The following CIP2A variants were observed in gnomAD, a reference collection of about 807,000 sequenced individuals.
CIP2A encodes protein CIP2A.
Under a neutral mutation model 110.9 loss-of-function variants are expected in CIP2A, and 103 were observed. That is an observed-to-expected ratio of 0.93 (90% CI 0.79 to 1.09). The LOEUF (loss-of-function observed/expected upper bound fraction) is 1.09. Ranked by LOEUF, CIP2A falls within the 50% of genes least tolerant of loss-of-function variation. The pLI, the probability that CIP2A is intolerant of heterozygous loss-of-function variation, is 0.00. For synonymous variants in CIP2A, 381 were observed against 361.6 expected (o/e 1.05, Z -0.61); for missense variants, 1,088 against 1,038.4 (o/e 1.05, Z -0.66).
chr3:108,573,280 A>C (rs2107346384), intron 8 of CIP2A, among the ~76,000 whole-genome samples: 1 of 152,042 alleles, frequency 6.6e-6, no homozygotes, highest in Non-Finnish European at 1.5e-5. Context: ...AGGTTTTGCT[A>C]TCAAGGTTAT....
At position 108,584,881 on chromosome 3, in the gene CIP2A, CA is replaced by C. The variant is rs1576320911; in HGVS notation, c.250+183del. Reference sequence around the variant, plus strand: ...GTTCTAAATTCAGTGTAATCTATTACAGAAGGATCATTCTTTGATCGGTAGC... The same window carrying C: ...GTTCTAAATTCAGTGTAATCTATTACGAAGGATCATTCTTTGATCGGTAGC... On this transcript the variant is annotated intron_variant, in intron 2 of 20. Coordinates refer to ENST00000295746, the MANE Select transcript of CIP2A (RefSeq NM_020890.3). 8 of 467,184 alleles carry C rather than the reference CA, an allele frequency of 1.7e-5. No homozygotes were observed. The East Asian group carries it at 2.7e-4, about 16-fold the overall frequency. 28.9% of individuals were successfully genotyped at this position (467,184 alleles called of 1,614,324 possible).
At position 108,550,962 on chromosome 3, in the gene CIP2A, T is replaced by C. The variant is rs1576293989; in HGVS notation, c.*187A>G. ...AAAAGCCAGAAACAAAAAGTAAAAC[T>C]TAGAAAATTAAATTTCTATTCAAAC... On this transcript the variant is annotated 3_prime_UTR_variant, in exon 21 of 21. Transcript: ENST00000295746. The C allele has an allele frequency of 1.7e-5, 6 of 361,182 alleles. No homozygotes were observed. In the East Asian group the frequency reaches 2.5e-4, roughly 15 times the overall value. The allele number at this position is 361,182 out of a possible 1,614,324, so 22.4% of individuals were successfully genotyped here. A position where few individuals can be genotyped will look rare whatever the true frequency, so the allele number is the denominator to read the frequency against.
intron 4 of CIP2A, 143 bp downstream of exon 4, chr3:108,581,965 T>C: frequency 2.3e-6 from 1 of 433,436 alleles, no homozygotes; most frequent in Non-Finnish European, 4.2e-6. Flanking sequence ...CTTAAAATCA[T>C]CTGGGCAGAA....
intron 6 of CIP2A, 70 bp from the exon 7 acceptor site, chr3:108,579,496 A>T (rs888013331): frequency 6.4e-7 from 1 of 1,557,106 alleles, no homozygotes; most frequent in Non-Finnish European, 8.7e-7. Flanking sequence ...AGGTAAAAAT[A>T]AAAAAGTCTC....
chr3:108,582,778 T>C (rs1260421199), intron 3 of CIP2A, among the ~76,000 whole-genome samples, 199 bp downstream of exon 3: 2 of 152,230 alleles, frequency 1.3e-5, no homozygotes, highest in African/African-American at 2.4e-5. Context: ...ATAGTGGTGA[T>C]AGAAATGGAT....
chr3:108,552,805 T>C (rs1306426321), intron 19 of CIP2A, among the ~76,000 whole-genome samples: 2 of 152,160 alleles, frequency 1.3e-5, no homozygotes, highest in Non-Finnish European at 2.9e-5. Context: ...CATAATCCTA[T>C]GTGATTTAAC....
intron 20 of CIP2A, 149 bp from the exon 21 acceptor site, chr3:108,551,468 C>A: frequency 2.0e-6 from 1 of 493,490 alleles, no homozygotes; most frequent in Non-Finnish European, 3.4e-6. Context: ...TCAGTTAATT[C>A]AATTACATGG....
In CIP2A at chr3:108,567,902, C is replaced by T. The variant is rs117383747; in HGVS notation, c.1273+253G>A. ...CAAATTGTGATACAAGTGTCAAAAT[C>T]AAGCTTAAACAGCATTTTAAAAAAT... On this transcript the variant is annotated intron_variant, in intron 10 of 20. Transcript: ENST00000295746. 3.8e-3 allele frequency among the ~76,000 whole-genome samples: 580 copies of T among 151,914 alleles called. 4 individuals carry two copies. Among genetic ancestry groups the T allele is most frequent in the East Asian group, 0.034 (175 of 5,152 alleles).
chr3:108,581,931 C>T (rs1248147090), intron 4 of CIP2A, among the ~76,000 whole-genome samples, 177 bp downstream of exon 4: 2 of 151,866 alleles, frequency 1.3e-5, no homozygotes, highest in African/African-American at 4.8e-5. Flanking sequence ...TGAATGAGGT[C>T]ACATACTTTT....
chr3:108,563,192 T>G lies in CIP2A; in HGVS notation c.1568A>C (p.Glu523Ala), dbSNP rs1470830437. The G allele has an allele frequency of 6.2e-7, 1 of 1,612,918 alleles. No individual in the cohort carries two copies. Among genetic ancestry groups the G allele is most frequent in the East Asian group, 2.2e-5 (1 of 44,818 alleles). Reference protein sequence around the residue: ...LAFALTSDNREQVQSGLRILL... With the variant: ...LAFALTSDNRAQVQSGLRILL... ...TATTCTCAGTCCAGACTGTACTTGTTCTCTATTATCTGACGTTAAAGCAAA... is the reference window on the plus strand; with the variant it reads ...TATTCTCAGTCCAGACTGTACTTGTGCTCTATTATCTGACGTTAAAGCAAA... The change falls in exon 13 of 21, where the codon GAA (glutamate) becomes GCA (alanine). Residue 523 changes from glutamate to alanine, a missense_variant. Physicochemically the swap from Glu to Ala is moderately radical, Grantham distance 107. Coordinates refer to ENST00000295746, the MANE Select transcript of CIP2A (RefSeq NM_020890.3).
At chr3:108,559,920 T>G in intron 15 of CIP2A, 34 bp downstream of exon 15, 1 of 1,576,382 alleles carries the variant, frequency 6.3e-7, no homozygotes, top group Non-Finnish European at 8.7e-7. Flanking sequence ...CTATTAAAGC[T>G]TATTACACAT....
Position 108,550,471 on chromosome 3 carries a change from C to T in CIP2A, c.*678G>A, listed in dbSNP as rs913069345. ...CACTAAATATACCTTACAAATAATT[C>T]TACAAGTTCTTAGATTTTTTATGAG... On this transcript the variant is annotated 3_prime_UTR_variant, in exon 21 of 21. Coordinates refer to ENST00000295746, the MANE Select transcript of CIP2A (RefSeq NM_020890.3). 2.0e-5 allele frequency: 3 copies of T among 151,252 alleles called. No homozygotes were observed. Among genetic ancestry groups the T allele is most frequent in the Non-Finnish European group, 3.0e-5 (2 of 67,626 alleles). The allele number at this position is 151,252 out of a possible 1,614,324, so 9.4% of individuals were successfully genotyped here.
chr3:108,581,342 G>T, intron 5 of CIP2A, 73 bp downstream of exon 5: 1 of 1,071,356 alleles, frequency 9.3e-7, no homozygotes, highest in African/African-American at 1.6e-5. Context: ...TAAAGAAAAA[G>T]ATAAATACAA....
chr3:108,553,539 T>C (rs990655612), intron 19 of CIP2A, 109 bp downstream of exon 19: 40 of 963,924 alleles, frequency 4.1e-5, no homozygotes, highest in Non-Finnish European at 5.5e-5. Flanking sequence ...CCAAATATGA[T>C]TTAAAGTTTA....
At chr3:108,555,011 G>A (rs893218480) in intron 17 of CIP2A, among the ~76,000 whole-genome samples, 1 of 152,098 alleles carries the variant, frequency 6.6e-6, no homozygotes, top group East Asian at 1.9e-4. Flanking sequence ...AAAACCAGTA[G>A]CCAAACTTGG....
At chr3:108,562,181 G>C (rs1938027103) in intron 13 of CIP2A, among the ~76,000 whole-genome samples, 1 of 152,132 alleles carries the variant, frequency 6.6e-6, no homozygotes, top group Non-Finnish European at 1.5e-5. Flanking sequence ...TGCTAATTCT[G>C]AAAAGTGGAA....
intron 2 of CIP2A, 198 bp downstream of exon 2, chr3:108,584,867 A>C (rs1247716826): frequency 2.4e-6 from 1 of 412,142 alleles, no homozygotes; most frequent in Non-Finnish European, 4.3e-6. Flanking sequence ...TTCTAAATTC[A>C]GTGTAATCTA....
intron 8 of CIP2A, among the ~76,000 whole-genome samples, chr3:108,570,697 C>T (rs1008186235): frequency 1.3e-5 from 2 of 152,070 alleles, no homozygotes; most frequent in Non-Finnish European, 2.9e-5. Context: ...CTGGAAGTTG[C>T]TCTGGGTGAG....
At chr3:108,560,099 A>G (rs1937946417) in intron 14 of CIP2A, 71 bp from the exon 15 acceptor site, 1 of 800,754 alleles carries the variant, frequency 1.2e-6, no homozygotes, top group Non-Finnish European at 2.1e-6. Context: ...ATAAATGCCT[A>G]CTTCAAAACT....
Sources: allele counts gnomAD v4.1 joint callset (sites outside exome capture counted in the v4.1 genomes callset), GRCh38; gene constraint gnomAD v4.1.1; transcripts MANE v1.5; gene names NCBI Gene and HGNC (gene_info 2026-07-23, HGNC 2026-07-21).